CACNA1G: variants seen among roughly 807,000 people sequenced by gnomAD.
CACNA1G encodes voltage-dependent T-type calcium channel subunit alpha-1G.
CACNA1G carries 67 observed loss-of-function variants against 219.4 expected under a neutral mutation model. The observed-to-expected ratio is 0.31, with a 90% CI of 0.25 to 0.37. CACNA1G has a LOEUF of 0.37. Ranked by LOEUF, CACNA1G falls within the 10% of genes least tolerant of loss-of-function variation. The probability of loss-of-function intolerance (pLI) is 1.00; values close to 1 mark genes in which losing one functional copy is unlikely to be tolerated. For missense variants in CACNA1G, 2,380 were observed against 3,231.4 expected, an observed-to-expected ratio of 0.74 and a Z score of 6.39; for synonymous variants, 1,296 against 1,345.3, an observed-to-expected ratio of 0.96 and a Z score of 0.80.
chr17:50,602,473 T>A (rs1258728589), intron 19 of CACNA1G, among the ~76,000 whole-genome samples: 1 of 152,180 alleles, frequency 6.6e-6, no homozygotes, highest in East Asian at 1.9e-4. Flanking sequence ...TCAAGTGAGA[T>A]CCTGCCCCAG....
chr17:50,600,382 C>T lies in CACNA1G; in HGVS notation c.3691-344C>T, dbSNP rs956905440. Among the ~76,000 whole-genome samples, 4 of 151,992 alleles carry T rather than the reference C, an allele frequency of 2.6e-5. No individual in the cohort carries two copies. Among genetic ancestry groups the T allele is most frequent in the Admixed American group, 1.3e-4 (2 of 15,262 alleles). On this transcript the variant is annotated intron_variant, in intron 17 of 37. Coordinates refer to ENST00000359106, the MANE Select transcript of CACNA1G (RefSeq NM_018896.5). The surrounding 1 kb of genome is among the most constrained non-coding windows in gnomAD (Gnocchi z 4.1). The stretch of plus-strand genomic sequence containing the variant: ...CTCTGAACAGACAGCTGTGTGGGGC[C>T]AGTGTTTGATAACTGATGCTGCTTC...
chr17:50,565,391 G>A (rs1012832946), intron 1 of CACNA1G, among the ~76,000 whole-genome samples: 2 of 141,684 alleles, frequency 1.4e-5, no homozygotes, highest in African/African-American at 2.6e-5. Flanking sequence ...GTGGGGCGGG[G>A]GGTTCTGCTG....
At chr17:50,610,230 C>T (rs1190254343) in intron 26 of CACNA1G, among the ~76,000 whole-genome samples, 1 of 152,238 alleles carries the variant, frequency 6.6e-6, no homozygotes. Flanking sequence ...TCCTGTGCCT[C>T]CTCCTTGTAG....
intron 25 of CACNA1G, among the ~76,000 whole-genome samples, chr17:50,609,385 A>C (rs1028728982): frequency 2.0e-5 from 3 of 152,266 alleles, no homozygotes; most frequent in South Asian, 4.1e-4. Flanking sequence ...TGCTCGGCTC[A>C]GGGTAGGGGT....
At chr17:50,624,612 C>A in intron 37 of CACNA1G, 83 bp downstream of exon 37, 1 of 1,287,486 alleles carries the variant, frequency 7.8e-7, no homozygotes, top group Non-Finnish European at 1.1e-6. Flanking sequence ...CACTTTCATT[C>A]TTCCAGCAAA....
Position 50,596,988 on chromosome 17 carries a change from G to A in CACNA1G, c.3258+65G>A. 2 of 1,407,372 alleles carry A rather than the reference G, an allele frequency of 1.4e-6. No individual in the cohort carries two copies. The highest frequency in any genetic ancestry group is 1.4e-5 in the South Asian group (1 of 69,362). The allele number at this position is 1,407,372 out of a possible 1,614,324, so 87.2% of individuals were successfully genotyped here. A position where few individuals can be genotyped will look rare whatever the true frequency, so the allele number is the denominator to read the frequency against. On this transcript the variant is annotated intron_variant, in intron 16 of 37. Coordinates refer to ENST00000359106, the MANE Select transcript of CACNA1G (RefSeq NM_018896.5). This position sits in a 1 kb window ranked among gnomAD's most constrained non-coding sequence, Gnocchi z 4.8. ...TCCAAGGAGGACAGGAGGAAGAGAGGATGGAGGCAGGCGGGTCCAAGGGCA... is the reference window on the plus strand; with the variant it reads ...TCCAAGGAGGACAGGAGGAAGAGAGAATGGAGGCAGGCGGGTCCAAGGGCA...
In CACNA1G at chr17:50,621,724, C is replaced by T; in HGVS notation, c.5990C>T (p.Ser1997Phe). 6.2e-7 allele frequency: 1 copy of T among 1,613,972 alleles called. No individual in the cohort carries two copies. Among genetic ancestry groups the T allele is most frequent in the Non-Finnish European group, 8.5e-7 (1 of 1,179,848 alleles). The part of the protein sequence containing the change: ...TSEIVSEPSC[S>F]LALTDDSLPD... The stretch of plus-strand genomic sequence containing the variant: ...GAGATTGTGTCTGAACCGTCCTGCT[C>T]TCTAGCTCTGACGGATGACTCTTTG... Residue 1997 changes from serine to phenylalanine, a missense_variant, in exon 35 of 38, where the codon TCT becomes TTT. Physicochemically the swap from Ser to Phe is radical, Grantham distance 155. Coordinates refer to ENST00000359106, the MANE Select transcript of CACNA1G (RefSeq NM_018896.5). The surrounding 1 kb of genome is among the most constrained non-coding windows in gnomAD (Gnocchi z 4.6).
At chr17:50,613,954 G>C (rs1013231140) in intron 26 of CACNA1G, among the ~76,000 whole-genome samples, 3 of 152,186 alleles carry the variant, frequency 2.0e-5, no homozygotes, top group Non-Finnish European at 4.4e-5. Context: ...TTGGCTGGCC[G>C]ATCTCTGAAA....
chr17:50,602,096 G>T (rs150106833), intron 19 of CACNA1G, among the ~76,000 whole-genome samples: 2 of 152,150 alleles, frequency 1.3e-5, no homozygotes, highest in Non-Finnish European at 2.9e-5. Flanking sequence ...GCTGCCTCCC[G>T]CCTGAGGCCC....
Position 50,599,464 on chromosome 17 carries a change from G to T in CACNA1G, c.3295G>T (p.Ala1099Ser). 6.4e-7 allele frequency: 1 copy of T among 1,574,410 alleles called. No individual in the cohort carries two copies. Residue 1099 changes from alanine (A) to serine (S), a missense_variant, in exon 17 of 38, where the codon GCT becomes TCT. By Grantham distance (99) the Ala-to-Ser change is moderately conservative (BLOSUM62 1). Coordinates refer to ENST00000359106, the MANE Select transcript of CACNA1G (RefSeq NM_018896.5). ...CAGCTCTCCGCACAGCCCCTGGAGC[G>T]CTGCAAGCAGCTGGACCAGCAGGCG... is the stretch of plus-strand genomic sequence containing the variant. ...ARSSPHSPWS[A>S]ASSWTSRRSS...
At chr17:50,589,910 C>G (rs111517729) in intron 9 of CACNA1G, among the ~76,000 whole-genome samples, 4 of 146,488 alleles carry the variant, frequency 2.7e-5, no homozygotes, top group African/African-American at 8.0e-5. Context: ...CTCTCTCTCT[C>G]TCTGTGTGTG....
At chr17:50,567,364 T>G (rs1348676202) in intron 1 of CACNA1G, among the ~76,000 whole-genome samples, 1 of 151,494 alleles carries the variant, frequency 6.6e-6, no homozygotes, top group African/African-American at 2.4e-5. Flanking sequence ...AGGGCCTGGG[T>G]GGTGGAGAAG....
chr17:50,586,166 G>A (rs764773227), intron 9 of CACNA1G, among the ~76,000 whole-genome samples: 1 of 152,152 alleles, frequency 6.6e-6, no homozygotes, highest in Non-Finnish European at 1.5e-5. Flanking sequence ...CCGTCCACAC[G>A]CTGCCACCAC....
In CACNA1G at chr17:50,606,011, C is replaced by A; in HGVS notation, c.4410C>A (p.Asp1470Glu). 1 of 1,613,888 alleles carries A rather than the reference C, an allele frequency of 6.2e-7. No homozygotes were observed. Among genetic ancestry groups the A allele is most frequent in the Non-Finnish European group, 8.5e-7 (1 of 1,179,844 alleles). ...YRWVRHKYNF[D>E]NLGQALMSLF... ...GGGTCCGGCACAAGTACAACTTTGACAACCTTGGCCAGGTGAGCCCCAGGC... is the reference window on the plus strand; with the variant it reads ...GGGTCCGGCACAAGTACAACTTTGAAAACCTTGGCCAGGTGAGCCCCAGGC... Residue 1470 changes from aspartate (D) to glutamate (E), a missense_variant, in exon 23 of 38, where the codon GAC becomes GAA. By Grantham distance (45) the Asp-to-Glu change is conservative (BLOSUM62 2). Around this residue, in one of 17 missense-constraint regions of CACNA1G, gnomAD observed 153 missense variants for 374.9 expected, o/e 0.41. Transcript: ENST00000359106.
intron 26 of CACNA1G, among the ~76,000 whole-genome samples, chr17:50,613,060 G>T (rs1295998699): frequency 1.3e-5 from 2 of 152,254 alleles, no homozygotes; most frequent in African/African-American, 2.4e-5. Context: ...CCTTTGGGCA[G>T]ACCATCCAGG....
chr17:50,606,696 A>G (rs2048039982), intron 23 of CACNA1G, among the ~76,000 whole-genome samples: 1 of 152,138 alleles, frequency 6.6e-6, no homozygotes, highest in South Asian at 2.1e-4. Context: ...GGGTGTGACC[A>G]TCTCTCAGGG....
At chr17:50,615,339 G>T in intron 26 of CACNA1G, 22 bp from the exon 27 acceptor site, 2 of 1,564,498 alleles carry the variant, frequency 1.3e-6, no homozygotes, top group South Asian at 1.2e-5. Context: ...CGCTTGCTCT[G>T]CTCTTCCCCC....
Position 50,595,057 on chromosome 17 carries a change from AG to A in CACNA1G, c.2979+1del. 2 of 1,552,892 alleles carry A rather than the reference AG, an allele frequency of 1.3e-6. No homozygotes were observed. On this transcript the variant is annotated frameshift_variant, in exon 14 of 38. Coordinates refer to ENST00000359106, the MANE Select transcript of CACNA1G (RefSeq NM_018896.5). LOFTEE classifies it high-confidence loss of function. The stretch of plus-strand genomic sequence containing the variant: ...TGTATTCAGCTGCCTGTCGACTCCC[AG>A]GGGGTAGGTACGCGATCATGAGCCG... ...LSCIQLPVDS[Q>X]GGDANKSESE...
intron 35 of CACNA1G, among the ~76,000 whole-genome samples, chr17:50,622,973 GGAT>G (rs2052529393): frequency 1.3e-5 from 2 of 152,040 alleles, no homozygotes; most frequent in African/African-American, 4.8e-5. Context: ...TGTAAGAACT[GGAT>G]GAACAGCCTG....
Sources: allele counts gnomAD v4.1 joint callset (sites outside exome capture counted in the v4.1 genomes callset), GRCh38; gene constraint gnomAD v4.1.1; regional missense constraint gnomAD v4.1.1; non-coding constraint Gnocchi (gnomAD v3.1); transcripts MANE v1.5; gene names NCBI Gene and HGNC (gene_info 2026-07-23, HGNC 2026-07-21).